SPAG16: variants seen among roughly 807,000 people sequenced by gnomAD.
SPAG16 encodes the protein sperm-associated antigen 16 protein.
A neutral mutation model predicts 80.4 loss-of-function variants in SPAG16; 86 were observed. The ratio of observed to expected loss-of-function variants is 1.07; its 90% CI spans 0.90 to 1.28. SPAG16 has a LOEUF of 1.28. SPAG16 is among the 50% of genes most tolerant of loss of function. The probability of loss-of-function intolerance (pLI) is 0.00; values close to 1 mark genes in which losing one functional copy is unlikely to be tolerated. For missense variants in SPAG16, 870 were observed against 765.3 expected (o/e 1.14, Z -1.61); for synonymous variants, 294 against 265.9 (o/e 1.11, Z -1.03).
chr2:213,769,935 C>T lies in SPAG16; in HGVS notation c.1071-92550C>T, dbSNP rs191571056. Among the ~76,000 whole-genome samples, 3 of 152,294 alleles carry T rather than the reference C, an allele frequency of 2.0e-5. No individual in the cohort carries two copies. The East Asian group carries it at 5.8e-4, about 29-fold the overall frequency. On this transcript the variant is annotated intron_variant, in intron 10 of 15. Coordinates refer to ENST00000331683, the MANE Select transcript of SPAG16 (RefSeq NM_024532.5). ...CACTGCACCCTGAAGCAACCAGCATCTGATTTTTACTACCATAGATTAATT... is the reference window on the plus strand; with the variant it reads ...CACTGCACCCTGAAGCAACCAGCATTTGATTTTTACTACCATAGATTAATT...
intron 15 of SPAG16, among the ~76,000 whole-genome samples, chr2:214,191,467 C>A (rs569113029): frequency 6.6e-6 from 1 of 152,096 alleles, no homozygotes; most frequent in East Asian, 1.9e-4. Context: ...AATCCCAGCA[C>A]TTTGGGAGAC....
intron 9 of SPAG16, among the ~76,000 whole-genome samples, chr2:213,417,912 C>A (rs1292009873): frequency 1.4e-5 from 2 of 146,768 alleles, no homozygotes; most frequent in Non-Finnish European, 3.0e-5. Context: ...GCTCTTGTTG[C>A]CCAGGTTGGA....
intron 10 of SPAG16, among the ~76,000 whole-genome samples, chr2:213,766,003 A>G (rs1282606548): frequency 1.3e-5 from 2 of 152,228 alleles, no homozygotes; most frequent in East Asian, 3.8e-4. Context: ...ACTGAAAGGT[A>G]TAGGAGGACT....
intron 9 of SPAG16, among the ~76,000 whole-genome samples, chr2:213,430,325 G>T (rs555882448): frequency 2.0e-5 from 3 of 152,258 alleles, no homozygotes; most frequent in South Asian, 2.1e-4. Context: ...AATGAAGAAG[G>T]CCTTTGAGAA....
At chr2:213,472,723 C>T (rs1003724142) in intron 9 of SPAG16, among the ~76,000 whole-genome samples, 3 of 152,134 alleles carry the variant, frequency 2.0e-5, no homozygotes, top group East Asian at 1.9e-4. Flanking sequence ...ACAATTCAGA[C>T]CTGAGCTAAA....
intron 10 of SPAG16, among the ~76,000 whole-genome samples, chr2:213,720,167 C>T (rs2066449370): frequency 1.3e-5 from 2 of 152,114 alleles, no homozygotes; most frequent in Admixed American, 6.5e-5. Context: ...AGGGGAACAT[C>T]ACACACCAGG....
chr2:213,893,130 C>G (rs1386586816), intron 11 of SPAG16, among the ~76,000 whole-genome samples: 1 of 152,082 alleles, frequency 6.6e-6, no homozygotes, highest in Non-Finnish European at 1.5e-5. Context: ...AGAAACCATA[C>G]AAGCCAGGAA....
rs374274176 is a variant in SPAG16 at position 213,980,725 on chromosome 2, T to TATATATATATATATAGAGAGAG, written c.1401-33225_1401-33224insTATATATATATATAGAGAGAGA. On this transcript the variant is annotated intron_variant, in intron 12 of 15. Coordinates refer to ENST00000331683, the MANE Select transcript of SPAG16 (RefSeq NM_024532.5). The stretch of plus-strand genomic sequence containing the variant: ...GTGTGTGTGTGTGTATATATATATA[T>TATATATATATATATAGAGAGAG]AGAGAGAGAGAGAGAGAGAGAGAGA... Among the ~76,000 whole-genome samples, 92 of 103,978 alleles carry TATATATATATATATAGAGAGAG rather than the reference T, an allele frequency of 8.8e-4. 1 individual carries two copies. Among genetic ancestry groups the TATATATATATATATAGAGAGAG allele is most frequent in the South Asian group, 4.5e-3 (12 of 2,686 alleles). 68.2% of individuals were successfully genotyped at this position (103,978 alleles called of 152,430 possible).
chr2:213,626,860 C>A (rs10932488), intron 10 of SPAG16, among the ~76,000 whole-genome samples: 40,535 of 151,770 alleles, frequency 0.27, 6,329 homozygotes, highest in Middle Eastern at 0.41. Flanking sequence ...GTTGGCCAGG[C>A]TGGTCTCGAA....
intron 9 of SPAG16, among the ~76,000 whole-genome samples, chr2:213,402,144 T>C (rs939982639): frequency 6.6e-6 from 1 of 152,050 alleles, no homozygotes; most frequent in Admixed American, 6.5e-5. Context: ...TTGCCCAAGT[T>C]TCGTCATAAT....
At chr2:214,389,430 GAT>G (rs1700942063) in intron 15 of SPAG16, among the ~76,000 whole-genome samples, 1 of 152,228 alleles carries the variant, frequency 6.6e-6, no homozygotes, top group Admixed American at 6.5e-5. Context: ...TGCAATGTAT[GAT>G]GGTAGTTCTA....
chr2:213,950,163 A>G (rs2079676148), intron 12 of SPAG16, among the ~76,000 whole-genome samples: 1 of 152,204 alleles, frequency 6.6e-6, no homozygotes, highest in Non-Finnish European at 1.5e-5. Context: ...TGGTCACATT[A>G]TTTCAAAGAA....
At chr2:214,014,189 CA>C in intron 13 of SPAG16, 112 bp downstream of exon 13, 2 of 1,329,918 alleles carry the variant, frequency 1.5e-6, no homozygotes, top group Non-Finnish European at 2.0e-6. Flanking sequence ...GCATTCAGGG[CA>C]AAAGAACAGT....
At chr2:213,429,513 C>T (rs2070156980) in intron 9 of SPAG16, among the ~76,000 whole-genome samples, 1 of 152,122 alleles carries the variant, frequency 6.6e-6, no homozygotes, top group Non-Finnish European at 1.5e-5. Flanking sequence ...TACCTGCAAG[C>T]AAGAACTATT....
intron 1 of SPAG16, among the ~76,000 whole-genome samples, chr2:213,290,528 C>A (rs945094117): frequency 2.6e-5 from 4 of 152,172 alleles, no homozygotes; most frequent in African/African-American, 9.7e-5. Context: ...AATTTTGGAA[C>A]TGAAATTCAC....
chr2:213,484,689 C>T (rs1463257809), intron 9 of SPAG16, among the ~76,000 whole-genome samples: 1 of 151,992 alleles, frequency 6.6e-6, no homozygotes, highest in African/African-American at 2.4e-5. Context: ...TTTAAATGGT[C>T]AGTGATTAAT....
At chr2:213,665,133 T>C (rs2063556014) in intron 10 of SPAG16, among the ~76,000 whole-genome samples, 1 of 152,150 alleles carries the variant, frequency 6.6e-6, no homozygotes, top group African/African-American at 2.4e-5. Context: ...TCTCTGATGG[T>C]ATCTTTTTCT....
intron 8 of SPAG16, among the ~76,000 whole-genome samples, chr2:213,374,314 G>T (rs1163344960): frequency 1.3e-5 from 2 of 151,908 alleles, no homozygotes; most frequent in African/African-American, 4.8e-5. Context: ...TTATAAATCT[G>T]GTGTTATAAT....
intron 3 of SPAG16, among the ~76,000 whole-genome samples, chr2:213,302,774 T>G (rs1480969952): frequency 6.6e-6 from 1 of 152,104 alleles, no homozygotes; most frequent in African/African-American, 2.4e-5. Context: ...TTCTTTTCTG[T>G]GGGAATGCTT....
Sources: allele counts gnomAD v4.1 joint callset (sites outside exome capture counted in the v4.1 genomes callset), GRCh38; gene constraint gnomAD v4.1.1; transcripts MANE v1.5; gene names NCBI Gene and HGNC (gene_info 2026-07-23, HGNC 2026-07-21).